YPEL2: variants seen among roughly 807,000 people sequenced by gnomAD.
YPEL2 encodes yippee like 2.
YPEL2 carries 2 observed loss-of-function variants against 19.1 expected under a neutral mutation model. The observed-to-expected ratio is 0.10, with a 90% CI of 0.04 to 0.33. The LOEUF (loss-of-function observed/expected upper bound fraction) is 0.33, where lower values mean the gene tolerates loss of function less well. YPEL2 is among the 10% of genes least tolerant of loss of function. The probability of loss-of-function intolerance (pLI) is 1.00; values close to 1 mark genes in which losing one functional copy is unlikely to be tolerated. For synonymous variants in YPEL2, 52 were observed against 50.0 expected (o/e 1.04, Z -0.17); for missense variants, 66 against 140.7 (o/e 0.47, Z 2.68).
At chr17:59,351,625 G>A (rs572683611) in intron 1 of YPEL2, among the ~76,000 whole-genome samples, 4 of 152,310 alleles carry the variant, frequency 2.6e-5, no homozygotes, top group South Asian at 2.1e-4. Context: ...AGGCAAAGCC[G>A]AGAGAATTAT....
chr17:59,382,691 T>G (rs183086849), intron 2 of YPEL2, among the ~76,000 whole-genome samples: 2 of 152,374 alleles, frequency 1.3e-5, no homozygotes, highest in East Asian at 3.9e-4. Flanking sequence ...TGCAATTGGA[T>G]ATACTCCTTT....
chr17:59,354,068 T>G (rs754538315), intron 2 of YPEL2: 1 of 173,868 alleles, frequency 5.8e-6, no homozygotes, highest in Admixed American at 5.5e-5. Context: ...TAATATGGCA[T>G]GACATTTGAT....
At chr17:59,336,566 G>A (rs1285726188) in intron 1 of YPEL2, among the ~76,000 whole-genome samples, 1 of 152,182 alleles carries the variant, frequency 6.6e-6, no homozygotes, top group African/African-American at 2.4e-5. Context: ...TTTTAAAATG[G>A]TACTAATAAT....
At chr17:59,386,370 A>C (rs1167789331) in intron 2 of YPEL2, among the ~76,000 whole-genome samples, 2 of 152,038 alleles carry the variant, frequency 1.3e-5, no homozygotes. Context: ...TGCAGGGAAC[A>C]TGAAGAGTCT....
intron 1 of YPEL2, among the ~76,000 whole-genome samples, chr17:59,349,800 A>G (rs1277024694): frequency 6.6e-6 from 1 of 152,184 alleles, no homozygotes; most frequent in South Asian, 2.1e-4. Context: ...AGCTGGGACT[A>G]CAGGCACACG....
chr17:59,383,856 G>A (rs909618917), intron 2 of YPEL2, among the ~76,000 whole-genome samples: 11 of 151,520 alleles, frequency 7.3e-5, no homozygotes, highest in African/African-American at 2.7e-4. Flanking sequence ...TCAATAGTTT[G>A]TTCCTCTTTA....
intron 4 of YPEL2, 68 bp downstream of exon 4, chr17:59,389,536 C>G: frequency 8.2e-7 from 1 of 1,216,720 alleles, no homozygotes; most frequent in Non-Finnish European, 1.2e-6. Flanking sequence ...TGCCAGAACA[C>G]TTTCTTCTAC....
chr17:59,356,632 A>G (rs1051343066), intron 2 of YPEL2, among the ~76,000 whole-genome samples: 2 of 152,198 alleles, frequency 1.3e-5, no homozygotes, highest in African/African-American at 4.8e-5. Flanking sequence ...TACTATGTTT[A>G]ATGCTGTCTT....
At chr17:59,340,441 A>T (rs548887485) in intron 1 of YPEL2, among the ~76,000 whole-genome samples, 3 of 140,414 alleles carry the variant, frequency 2.1e-5, no homozygotes, top group Non-Finnish European at 3.0e-5. Flanking sequence ...TTTGAGACAG[A>T]GTCTTGCTCT....
At chr17:59,340,127 G>A (rs1168998812) in intron 1 of YPEL2, among the ~76,000 whole-genome samples, 1 of 148,888 alleles carries the variant, frequency 6.7e-6, no homozygotes, top group Non-Finnish European at 1.5e-5. Flanking sequence ...TTTTTTTTGA[G>A]ATGGAGTTTC....
intron 2 of YPEL2, among the ~76,000 whole-genome samples, chr17:59,376,116 T>C (rs1196383531): frequency 1.3e-5 from 2 of 152,246 alleles, no homozygotes; most frequent in African/African-American, 4.8e-5. Context: ...CCCTTCTTTT[T>C]AGGAAGTCAT....
At chr17:59,365,826 A>G (rs1249640317) in intron 2 of YPEL2, among the ~76,000 whole-genome samples, 2 of 152,038 alleles carry the variant, frequency 1.3e-5, no homozygotes, top group African/African-American at 4.8e-5. Context: ...GGGGAGAGGA[A>G]GAGAGGAGGA....
At chr17:59,339,108 C>A (rs1443103293) in intron 1 of YPEL2, among the ~76,000 whole-genome samples, 15 of 56,168 alleles carry the variant, frequency 2.7e-4, no homozygotes, top group African/African-American at 7.6e-4. Flanking sequence ...CTGCGCCCCC[C>A]ACCCCCACCC....
At chr17:59,387,257 T>TCAAAAAAAAAAAAAAAAAAAAAAAAA (rs1555571964) in intron 2 of YPEL2, among the ~76,000 whole-genome samples, 1 of 77,588 alleles carries the variant, frequency 1.3e-5, no homozygotes, top group Non-Finnish European at 2.5e-5. Context: ...AGACTCCATC[T>TCAAAAAAAAAAAAAAAAAAAAAAAAA]AAAAAAAAAA....
intron 1 of YPEL2, among the ~76,000 whole-genome samples, chr17:59,347,487 G>A (rs1419148468): frequency 6.6e-6 from 1 of 152,144 alleles, no homozygotes; most frequent in Non-Finnish European, 1.5e-5. Flanking sequence ...GAGTGATGAC[G>A]TGGTCAGATC....
In YPEL2 at chr17:59,368,617, C is replaced by T. The variant is rs138919516; in HGVS notation, c.117+15091C>T. ...TGAGCAGAGACAGAGAAACATGACA[C>T]GAGGCCAAGTCCAGGGACCACAGGG... On this transcript the variant is annotated intron_variant, in intron 2 of 4. Transcript: ENST00000312655. Among the ~76,000 whole-genome samples the T allele has an allele frequency of 3.9e-4, 59 of 152,272 alleles. No individual in the cohort carries two copies. The East Asian group carries it at 4.6e-3, about 12-fold the overall frequency.
intron 1 of YPEL2, among the ~76,000 whole-genome samples, chr17:59,342,392 G>A (rs2047736127): frequency 6.6e-6 from 1 of 152,222 alleles, no homozygotes; most frequent in African/African-American, 2.4e-5. Flanking sequence ...TGGCATAGGG[G>A]AGCCTGACTT....
chr17:59,379,965 A>G (rs2047940520), intron 2 of YPEL2, among the ~76,000 whole-genome samples: 1 of 151,818 alleles, frequency 6.6e-6, no homozygotes, highest in South Asian at 2.1e-4. Context: ...GGTTCACGTG[A>G]TTTTCCTGCC....
chr17:59,388,643 G>A (rs1023448486), intron 3 of YPEL2, among the ~76,000 whole-genome samples: 8 of 152,224 alleles, frequency 5.3e-5, no homozygotes, highest in African/African-American at 1.9e-4. Context: ...GATTCTGAGA[G>A]CCTCAACCTG....
Sources: allele counts gnomAD v4.1 joint callset (sites outside exome capture counted in the v4.1 genomes callset), GRCh38; gene constraint gnomAD v4.1.1; transcripts MANE v1.5; gene names NCBI Gene and HGNC (gene_info 2026-07-23, HGNC 2026-07-21).